The following DNAJC21 variants were observed in gnomAD, a reference collection of about 807,000 sequenced individuals.
DNAJC21 encodes the protein DnaJ heat shock protein family (Hsp40) member C21.
Under a neutral mutation model 72.4 loss-of-function variants are expected in DNAJC21, and 63 were observed. That is an observed-to-expected ratio of 0.87 (90% CI 0.71 to 1.07). DNAJC21 has a LOEUF of 1.07. DNAJC21 is among the 50% of genes least tolerant of loss of function. The pLI is 0.00. For synonymous variants in DNAJC21, 203 were observed against 216.7 expected, an observed-to-expected ratio of 0.94 and a Z score of 0.56; for missense variants, 634 against 644.8, an observed-to-expected ratio of 0.98 and a Z score of 0.18.
At chr5:34,937,048 CT>C (rs1764803726) in intron 4 of DNAJC21, among the ~76,000 whole-genome samples, 1 of 152,166 alleles carries the variant, frequency 6.6e-6, no homozygotes, top group Non-Finnish European at 1.5e-5. Flanking sequence ...ACCATGCCTA[CT>C]TTTCCCTTTT....
At position 34,941,182 on chromosome 5, in the gene DNAJC21, G is replaced by T; in HGVS notation, c.982G>T (p.Ala328Ser). 6.2e-7 allele frequency: 1 copy of T among 1,613,616 alleles called. No homozygotes were observed. The highest frequency in any genetic ancestry group is 8.5e-7 in the Non-Finnish European group (1 of 1,179,662). Residue 328 changes from alanine to serine, a missense_variant and splice_region_variant, in exon 7 of 12, where the codon GCC becomes TCC. Coordinates refer to ENST00000648817, the MANE Select transcript of DNAJC21 (RefSeq NM_001012339.3). ...TGACAAATCGTTCAAGACAGAAAAG[G>T]CGTAAGTTTATTAATTTAATTTAAT... ...ACDKSFKTEK[A>S]MKNHEKSKKH...
chr5:34,948,722 G>A (rs770149341), intron 9 of DNAJC21, among the ~76,000 whole-genome samples: 12 of 151,968 alleles, frequency 7.9e-5, no homozygotes, highest in Non-Finnish European at 1.5e-4. Flanking sequence ...AAAATTAGCC[G>A]GGCGTGGTGC....
intron 1 of DNAJC21, among the ~76,000 whole-genome samples, chr5:34,933,261 T>A (rs1193670097): frequency 6.6e-6 from 1 of 152,150 alleles, no homozygotes; most frequent in African/African-American, 2.4e-5. Flanking sequence ...GGATATCCAG[T>A]TGACTTGTTT....
At position 34,936,238 on chromosome 5, in the gene DNAJC21, T is replaced by C. The variant is rs752188838; in HGVS notation, c.410T>C (p.Phe137Ser). 10 of 1,613,926 alleles carry C rather than the reference T, an allele frequency of 6.2e-6. No individual in the cohort carries two copies. The highest frequency in any genetic ancestry group is 1.1e-5 in the South Asian group (1 of 91,050). Residue 137 changes from phenylalanine (F) to serine (S), a missense_variant, in exon 4 of 12, where the codon TTT becomes TCT. Transcript: ENST00000648817. ...LEEEVDDFPT[F>S]GDSQSDYDTV... ...GAAGAGGTTGATGATTTCCCAACTT[T>C]TGGAGACTCCCAGAGTGACTATGAT... is the stretch of plus-strand genomic sequence containing the variant.
chr5:34,935,734 A>C lies in DNAJC21; in HGVS notation c.216A>C (p.Leu72=), dbSNP rs1268572769. 2 of 1,613,892 alleles carry C rather than the reference A, an allele frequency of 1.2e-6. No homozygotes were observed. Among genetic ancestry groups the C allele is most frequent in the Non-Finnish European group, 1.7e-6 (2 of 1,179,956 alleles). ...RAWYDNHREA[L]LKGGFDGEYQ... ...GGTATGATAATCATAGAGAGGCCCT[A>C]CTTAAAGGTGGGTTTGATGGCGAAT... Residue 72 remains leucine (L), a synonymous_variant, in exon 3 of 12, where the codon CTA becomes CTC. Coordinates refer to ENST00000648817, the MANE Select transcript of DNAJC21 (RefSeq NM_001012339.3).
chr5:34,929,943 G>T (rs1157662613), intron 1 of DNAJC21, 27 bp downstream of exon 1: 2 of 1,533,890 alleles, frequency 1.3e-6, no homozygotes, highest in African/African-American at 2.8e-5. Flanking sequence ...CAGCCCCCGC[G>T]GCCACTCGGA....
chr5:34,942,818 C>T (rs1189862344), intron 7 of DNAJC21, among the ~76,000 whole-genome samples: 1 of 152,140 alleles, frequency 6.6e-6, no homozygotes, highest in African/African-American at 2.4e-5. Flanking sequence ...CCTGTAATCC[C>T]AGCACTTTGG....
intron 6 of DNAJC21, among the ~76,000 whole-genome samples, chr5:34,940,167 T>A (rs1764939942): frequency 6.6e-6 from 1 of 152,208 alleles, no homozygotes; most frequent in South Asian, 2.1e-4. Context: ...TGAGAAGCTA[T>A]GAGATGTGCC....
intron 8 of DNAJC21, among the ~76,000 whole-genome samples, chr5:34,945,317 A>G (rs905978870): frequency 1.3e-4 from 20 of 152,154 alleles, no homozygotes; most frequent in African/African-American, 4.6e-4. Context: ...ATCTCAGGTA[A>G]TTCACCTGCC....
At chr5:34,940,688 C>G (rs1330815194) in intron 6 of DNAJC21, among the ~76,000 whole-genome samples, 1 of 152,114 alleles carries the variant, frequency 6.6e-6, no homozygotes, top group Non-Finnish European at 1.5e-5. Context: ...ATGTTATAAA[C>G]TTATAAACTA....
chr5:34,942,432 C>T (rs251640), intron 7 of DNAJC21, among the ~76,000 whole-genome samples: 33,038 of 151,824 alleles, frequency 0.22, 4,164 homozygotes, highest in East Asian at 0.33. Flanking sequence ...ATGAGAATGG[C>T]GCTGTGAGAG....
At chr5:34,941,253 A>G (rs1008511036) in intron 7 of DNAJC21, 70 bp downstream of exon 7, 1 of 1,391,960 alleles carries the variant, frequency 7.2e-7, no homozygotes, top group Admixed American at 1.8e-5. Flanking sequence ...GCAGGAGTGC[A>G]GTGGCACAGT....
chr5:34,952,123 ATGTGTG>A (rs3220525), intron 10 of DNAJC21: 9,873 of 946,840 alleles, frequency 0.01, 51 homozygotes, highest in Non-Finnish European at 0.011. Flanking sequence ...TTTTTAAAAA[ATGTGTG>A]TGTGTGTGTG....
chr5:34,929,865 G>T lies in DNAJC21; in HGVS notation c.46G>T (p.Glu16Ter). Reference protein sequence around the residue: ...EALGVRRDASEEELKKAYRKL... With the variant: ...EALGVRRDAS The stretch of plus-strand genomic sequence containing the variant: ...GCTGGGGGTGCGGCGCGACGCCAGC[G>T]AGGAGGAGCTCAAGAAGGCCTATCG... The change falls in exon 1 of 12, where the codon GAG becomes TAG. Residue 16 changes from glutamate (E) to a stop codon, truncating the protein, a stop_gained. Coordinates refer to ENST00000648817, the MANE Select transcript of DNAJC21 (RefSeq NM_001012339.3). LOFTEE classifies it high-confidence loss of function. 1 of 1,581,116 alleles carries T rather than the reference G, an allele frequency of 6.3e-7. No individual in the cohort carries two copies. The highest frequency in any genetic ancestry group is 8.6e-7 in the Non-Finnish European group (1 of 1,164,500).
Position 34,935,798 on chromosome 5 carries a change from G to A in DNAJC21, c.280G>A (p.Val94Ile), listed in dbSNP as rs780572204. ...CTTAGATTTGCTACGCTATTTCACCGTTACCTGTTATTCTGGTTATGGAGA... is the reference window on the plus strand; with the variant it reads ...CTTAGATTTGCTACGCTATTTCACCATTACCTGTTATTCTGGTTATGGAGA... ...DSLDLLRYFT[V>I]TCYSGYGDDE... The change falls in exon 3 of 12, where the codon GTT becomes ATT. Residue 94 changes from valine to isoleucine, a missense_variant. Transcript: ENST00000648817. 34 of 1,613,840 alleles carry A rather than the reference G, an allele frequency of 2.1e-5. No homozygotes were observed. Among genetic ancestry groups the A allele is most frequent in the African/African-American group, 1.3e-4 (10 of 74,894 alleles).
At chr5:34,949,758 A>C in intron 9 of DNAJC21, 1 of 1,580,468 alleles carries the variant, frequency 6.3e-7, no homozygotes, top group Non-Finnish European at 8.6e-7. Flanking sequence ...CTGTAGAAGA[A>C]TAGTTGCTCA....
In DNAJC21 at chr5:34,938,882, G is replaced by C; in HGVS notation, c.768G>C (p.Gln256His). ...QAKLVEQYREQSWMTMANLEK... is the reference protein window; with the variant it reads ...QAKLVEQYREHSWMTMANLEK... ...GACTGGTGGAGCAGTACAGAGAACA[G>C]AGCTGGATGACTATGGCCAATTTGG... is the stretch of plus-strand genomic sequence containing the variant. Residue 256 changes from glutamine (Q) to histidine (H), a missense_variant, in exon 6 of 12, where the codon CAG becomes CAC. Transcript: ENST00000648817. 6.2e-7 allele frequency: 1 copy of C among 1,614,154 alleles called. No individual in the cohort carries two copies. Among genetic ancestry groups the C allele is most frequent in the Non-Finnish European group, 8.5e-7 (1 of 1,180,008 alleles).
At position 34,933,918 on chromosome 5, in the gene DNAJC21, A is replaced by G. The variant is rs368399096; in HGVS notation, c.191+10A>G. ...CTCAGGAAAGAGCATGGTGAGCATC[A>G]CGCTGTCCTTCCCATCCTAGTTTAT... is the stretch of plus-strand genomic sequence containing the variant. On this transcript the variant is annotated intron_variant, in intron 2 of 11. Coordinates refer to ENST00000648817, the MANE Select transcript of DNAJC21 (RefSeq NM_001012339.3). 265 of 1,611,214 alleles carry G rather than the reference A, an allele frequency of 1.6e-4. No homozygotes were observed. In the African/African-American group the frequency reaches 3.4e-3, roughly 21 times the overall value.
intron 2 of DNAJC21, 106 bp downstream of exon 2, chr5:34,934,014 G>A: frequency 3.4e-6 from 3 of 881,728 alleles, no homozygotes; most frequent in East Asian, 5.5e-5. Context: ...TTTTTGGTGT[G>A]TTCTGAAACA....
Sources: allele counts gnomAD v4.1 joint callset (sites outside exome capture counted in the v4.1 genomes callset), GRCh38; gene constraint gnomAD v4.1.1; transcripts MANE v1.5; gene names NCBI Gene and HGNC (gene_info 2026-07-23, HGNC 2026-07-21).